Variants in SLFN5 observed in about 807,000 individuals in gnomAD.
SLFN5 encodes the protein schlafen family member 5.
Under a neutral mutation model 48.5 loss-of-function variants are expected in SLFN5, and 34 were observed. That is an observed-to-expected ratio of 0.70 (90% confidence interval 0.53 to 0.93). SLFN5 has a LOEUF of 0.93. Among genes scored for constraint, SLFN5 ranks in the 40% least tolerant of loss-of-function variants. SLFN5 has a pLI of 0.00. For missense variants in SLFN5, 1,006 were observed against 1,071.3 expected (o/e 0.94, Z 0.85); for synonymous variants, 387 against 396.2 (o/e 0.98, Z 0.28).
chr17:35,261,581 T>A (rs2091417782), intron 3 of SLFN5, among the ~76,000 whole-genome samples: 1 of 152,070 alleles, frequency 6.6e-6, no homozygotes, highest in Non-Finnish European at 1.5e-5. Flanking sequence ...GTTGCCCAGG[T>A]TGGTTTCAAG....
Position 35,265,743 on chromosome 17 carries a change from G to C in SLFN5, c.2531G>C (p.Ser844Thr). 6.2e-7 allele frequency: 1 copy of C among 1,614,224 alleles called. No individual in the cohort carries two copies. The highest frequency in any genetic ancestry group is 8.5e-7 in the Non-Finnish European group (1 of 1,180,042). ...CTAACCGATCACATTGTGTTGGACA[G>C]TGTCTGTCGATTTTCAGGCCTGGAA... ...DVLTDHIVLD[S>T]VCRFSGLERN... Residue 844 changes from serine (S) to threonine (T), a missense_variant, in exon 5 of 5, where the codon AGT becomes ACT. By Grantham distance (58) the Ser-to-Thr change is moderately conservative. Transcript: ENST00000299977.
intron 3 of SLFN5, among the ~76,000 whole-genome samples, chr17:35,262,415 A>G (rs2142702642): frequency 6.6e-6 from 1 of 152,138 alleles, no homozygotes; most frequent in Non-Finnish European, 1.5e-5. Context: ...AAGAAAAAAA[A>G]ATTCCAAGTA....
chr17:35,259,202 C>T lies in SLFN5; in HGVS notation c.512C>T (p.Ser171Leu), dbSNP rs1427866932. 4 of 1,614,106 alleles carry T rather than the reference C, an allele frequency of 2.5e-6. No individual in the cohort carries two copies. Among genetic ancestry groups the T allele is most frequent in the Non-Finnish European group, 3.4e-6 (4 of 1,180,038 alleles). ...CAATATGAAGGTAACATAAATGTGT[C>T]AGCTGCTGCTTTATTTGATAGAAAG... The part of the protein sequence containing the change: ...SVQYEGNINV[S>L]AAALFDRKRL... The change falls in exon 2 of 5, where the codon TCA becomes TTA. Residue 171 changes from serine (S) to leucine (L), a missense_variant. Ser to Leu is a moderately radical substitution (Grantham distance 145). Coordinates refer to ENST00000299977, the MANE Select transcript of SLFN5 (RefSeq NM_144975.4).
At position 35,264,613 on chromosome 17, in the gene SLFN5, C is replaced by T. The variant is rs1198913303; in HGVS notation, c.1569C>T (p.Pro523=). 6.2e-7 allele frequency: 1 copy of T among 1,614,072 alleles called. No individual in the cohort carries two copies. The highest frequency in any genetic ancestry group is 8.5e-7 in the Non-Finnish European group (1 of 1,180,054). Residue 523 remains proline, a synonymous_variant, in exon 4 of 5, where the codon CCC becomes CCT. Transcript: ENST00000299977. ...CTGAATCCTATAACTTCATGACCCC[C>T]CAGCACATGGAAGCCCTGTTACAGT... ...IYPESYNFMT[P]QHMEALLQSL...
rs896828488 is a variant in SLFN5, at chr17:35,270,525, T to C, written c.*4637T>C. On this transcript the variant is annotated 3_prime_UTR_variant, in exon 5 of 5. Transcript: ENST00000299977. Reference sequence around the variant, plus strand: ...CCACCACAGGCCAGGACAACCGTTGTCACAAAGCCAGGACAGAATCTCCCA... The same window carrying C: ...CCACCACAGGCCAGGACAACCGTTGCCACAAAGCCAGGACAGAATCTCCCA... The C allele has an allele frequency of 6.6e-6, 1 of 152,296 alleles. No individual in the cohort carries two copies. The highest frequency in any genetic ancestry group is 1.5e-5 in the Non-Finnish European group (1 of 68,098). The allele number at this position is 152,296 out of a possible 1,614,324, so 9.4% of individuals were successfully genotyped here.
At chr17:35,247,030 A>G (rs557036771) in intron 1 of SLFN5, among the ~76,000 whole-genome samples, 1 of 142,762 alleles carries the variant, frequency 7.0e-6, no homozygotes, top group East Asian at 2.0e-4. Flanking sequence ...CTGACCCAGA[A>G]CTGCTGCAGT....
rs376056178 is a variant in SLFN5 at position 35,250,528 on chromosome 17, C to T, written c.-41+7385C>T. 5.4e-4 allele frequency among the ~76,000 whole-genome samples: 82 copies of T among 152,138 alleles called. No individual in the cohort carries two copies. The East Asian group carries it at 0.014, about 26-fold the overall frequency. Reference sequence around the variant, plus strand: ...ATCAAAAATTAGCCAGGCGTGGTGGCGGGCGCCTGTAGTCCCAGCTACTCG... The same window carrying T: ...ATCAAAAATTAGCCAGGCGTGGTGGTGGGCGCCTGTAGTCCCAGCTACTCG... On this transcript the variant is annotated intron_variant, in intron 1 of 4. Coordinates refer to ENST00000299977, the MANE Select transcript of SLFN5 (RefSeq NM_144975.4).
At chr17:35,248,888 CA>C (rs1393079995) in intron 1 of SLFN5, among the ~76,000 whole-genome samples, 1 of 152,046 alleles carries the variant, frequency 6.6e-6, no homozygotes, top group Non-Finnish European at 1.5e-5. Context: ...TCCTGGAGGG[CA>C]AAAGCTGATT....
At position 35,264,285 on chromosome 17, in the gene SLFN5, T is replaced by G. The variant is rs150548019; in HGVS notation, c.1241T>G (p.Phe414Cys). The G allele has an allele frequency of 2.5e-6, 4 of 1,614,026 alleles. No homozygotes were observed. In the African/African-American group the frequency reaches 5.3e-5, roughly 22 times the overall value. ...TTAATAAATACAGAAATGCGCCCTT[T>G]CTCTCAAGGAATATTGATTTTTTCT... ...RDLINTEMRP[F>C]SQGILIFSQS... The change falls in exon 4 of 5, where the codon TTC becomes TGC. Residue 414 changes from phenylalanine to cysteine, a missense_variant. Physicochemically the swap from Phe to Cys is radical, Grantham distance 205. Coordinates refer to ENST00000299977, the MANE Select transcript of SLFN5 (RefSeq NM_144975.4).
At position 35,266,493 on chromosome 17, in the gene SLFN5, T is replaced by A. The variant is rs1904702341; in HGVS notation, c.*605T>A. ...ATTATATTACTTTATTATTTTCTGC[T>A]TTTTCTTTTAACGACATTAGTGTTT... On this transcript the variant is annotated 3_prime_UTR_variant, in exon 5 of 5. Transcript: ENST00000299977. 6.6e-6 allele frequency: 1 copy of A among 152,192 alleles called. No individual in the cohort carries two copies. The highest frequency in any genetic ancestry group is 6.5e-5 in the Admixed American group (1 of 15,272). 9.4% of individuals were successfully genotyped at this position (152,192 alleles called of 1,614,324 possible).
chr17:35,261,675 CTTT>C (rs200709274), intron 3 of SLFN5, among the ~76,000 whole-genome samples: 15 of 126,788 alleles, frequency 1.2e-4, no homozygotes, highest in African/African-American at 2.4e-4. Context: ...AGCCACCAGT[CTTT>C]TTTTTTTTTT....
Position 35,269,967 on chromosome 17 carries a change from A to G in SLFN5, c.*4079A>G, listed in dbSNP as rs1904792144. 1 of 152,216 alleles carries G rather than the reference A, an allele frequency of 6.6e-6. No individual in the cohort carries two copies. Among genetic ancestry groups the G allele is most frequent in the Non-Finnish European group, 1.5e-5 (1 of 68,018 alleles). The allele number at this position is 152,216 out of a possible 1,614,324, so 9.4% of individuals were successfully genotyped here. On this transcript the variant is annotated 3_prime_UTR_variant, in exon 5 of 5. Coordinates refer to ENST00000299977, the MANE Select transcript of SLFN5 (RefSeq NM_144975.4). ...TGCTTTTTGTAATTTAGTCATTTTA[A>G]TATTAGATAAATCTTCCTGTAACTG...
intron 1 of SLFN5, among the ~76,000 whole-genome samples, chr17:35,247,178 C>G (rs1211550518): frequency 6.6e-6 from 1 of 152,130 alleles, no homozygotes; most frequent in Non-Finnish European, 1.5e-5. Flanking sequence ...AAATATGTTC[C>G]CCAAACTAAT....
intron 1 of SLFN5, among the ~76,000 whole-genome samples, chr17:35,249,211 C>A (rs2092437089): frequency 1.3e-5 from 2 of 152,102 alleles, no homozygotes; most frequent in Admixed American, 1.3e-4. Flanking sequence ...TGGAAAACAA[C>A]CCCTTTATCT....
chr17:35,264,146 G>A (rs1381037540), intron 3 of SLFN5, 37 bp from the exon 4 acceptor site: 2 of 1,533,710 alleles, frequency 1.3e-6, no homozygotes, highest in African/African-American at 2.8e-5. Flanking sequence ...GCTTGTCTGA[G>A]GCTTTTCTAA....
Position 35,267,009 on chromosome 17 carries a change from C to G in SLFN5, c.*1121C>G, listed in dbSNP as rs980985303. On this transcript the variant is annotated 3_prime_UTR_variant, in exon 5 of 5. Coordinates refer to ENST00000299977, the MANE Select transcript of SLFN5 (RefSeq NM_144975.4). ...CCCAAGAATAAAGAAATTTAAAATT[C>G]TCATTGTAAGAAGTATGAACTTGAA... 3 of 152,202 alleles carry G rather than the reference C, an allele frequency of 2.0e-5. No individual in the cohort carries two copies. Among genetic ancestry groups the G allele is most frequent in the African/African-American group, 7.2e-5 (3 of 41,446 alleles). 9.4% of individuals were successfully genotyped at this position (152,202 alleles called of 1,614,324 possible). A position where few individuals can be genotyped will look rare whatever the true frequency, so the allele number is the denominator to read the frequency against.
Position 35,273,294 on chromosome 17 carries a change from A to G in SLFN5, c.*7406A>G, listed in dbSNP as rs1016447242. 1 of 152,232 alleles carries G rather than the reference A, an allele frequency of 6.6e-6. No homozygotes were observed. The allele number at this position is 152,232 out of a possible 1,614,324, so 9.4% of individuals were successfully genotyped here. A position where few individuals can be genotyped will look rare whatever the true frequency, so the allele number is the denominator to read the frequency against. On this transcript the variant is annotated 3_prime_UTR_variant, in exon 5 of 5. Coordinates refer to ENST00000299977, the MANE Select transcript of SLFN5 (RefSeq NM_144975.4). ...GGAAGTATACCTAAAAATTGGTAATAGTGTTTGACTCCAGGGAAGAACAGA... is the reference window on the plus strand; with the variant it reads ...GGAAGTATACCTAAAAATTGGTAATGGTGTTTGACTCCAGGGAAGAACAGA...
chr17:35,263,127 TTTTA>T (rs1332734406), intron 3 of SLFN5, among the ~76,000 whole-genome samples: 1 of 151,948 alleles, frequency 6.6e-6, no homozygotes, highest in Non-Finnish European at 1.5e-5. Context: ...GGACCTTGCT[TTTTA>T]TTTATTTATT....
chr17:35,272,321 T>C lies in SLFN5; in HGVS notation c.*6433T>C, dbSNP rs1287534016. The C allele has an allele frequency of 1.3e-5, 2 of 152,284 alleles. No individual in the cohort carries two copies. The highest frequency in any genetic ancestry group is 4.1e-4 in the South Asian group (2 of 4,824). 9.4% of individuals were successfully genotyped at this position (152,284 alleles called of 1,614,324 possible). ...TTGGGGAAAGATGGATTATTCAATA[T>C]ATGATGAACAACTCTGTCACCCAGC... is the stretch of plus-strand genomic sequence containing the variant. On this transcript the variant is annotated 3_prime_UTR_variant, in exon 5 of 5. Transcript: ENST00000299977.
Sources: allele counts gnomAD v4.1 joint callset (sites outside exome capture counted in the v4.1 genomes callset), GRCh38; gene constraint gnomAD v4.1.1; transcripts MANE v1.5; gene names NCBI Gene and HGNC (gene_info 2026-07-23, HGNC 2026-07-21).